Variants in MLLT10 observed in about 807,000 individuals in gnomAD.
The protein encoded by MLLT10 is MLLT10 histone lysine methyltransferase DOT1L cofactor, also known as protein AF-10.
A neutral mutation model predicts 129.1 loss-of-function variants in MLLT10; 30 were observed. The ratio of observed to expected loss-of-function variants is 0.23; its 90% CI spans 0.17 to 0.32. The LOEUF (loss-of-function observed/expected upper bound fraction) is 0.32. Ranked by LOEUF, MLLT10 falls within the 10% of genes least tolerant of loss-of-function variation. The pLI, the probability that MLLT10 is intolerant of heterozygous loss-of-function variation, is 1.00. For missense variants in MLLT10, 1,119 were observed against 1,268.3 expected (o/e 0.88, Z 1.79); for synonymous variants, 490 against 446.4 (o/e 1.10, Z -1.23).
chr10:21,681,183 G>T, intron 11 of MLLT10, 149 bp from the exon 12 acceptor site: 1 of 850,012 alleles, frequency 1.2e-6, no homozygotes. Flanking sequence ...CCAATTATTA[G>T]CTTATAATTT....
intron 6 of MLLT10, among the ~76,000 whole-genome samples, chr10:21,613,707 A>C (rs1421360072): frequency 1.3e-5 from 2 of 150,772 alleles, no homozygotes; most frequent in East Asian, 3.9e-4. Context: ...GTTCAGAGCC[A>C]CCCTGGGCAA....
At chr10:21,681,219 A>G (rs2052705650) in intron 11 of MLLT10, 113 bp from the exon 12 acceptor site, 2 of 1,359,054 alleles carry the variant, frequency 1.5e-6, no homozygotes, top group Non-Finnish European at 2.1e-6. Flanking sequence ...TAGGTGGCCT[A>G]CTTAACTACA....
chr10:21,662,492 C>G (rs1456774803), intron 9 of MLLT10, among the ~76,000 whole-genome samples: 1 of 151,706 alleles, frequency 6.6e-6, no homozygotes, highest in African/African-American at 2.4e-5. Context: ...GAGTTGTGTC[C>G]CACTCTGCTG....
intron 13 of MLLT10, among the ~76,000 whole-genome samples, chr10:21,682,707 C>G (rs1030518937): frequency 1.3e-5 from 2 of 152,070 alleles, no homozygotes; most frequent in Non-Finnish European, 2.9e-5. Flanking sequence ...GGAAGATAGT[C>G]TTTTAAATTA....
intron 3 of MLLT10, among the ~76,000 whole-genome samples, chr10:21,543,341 G>A (rs564301006): frequency 1.3e-5 from 2 of 152,070 alleles, no homozygotes; most frequent in African/African-American, 2.4e-5. Flanking sequence ...GGCTGGTCTC[G>A]AACTCCTGAC....
At chr10:21,704,365 A>C (rs200727142) in intron 13 of MLLT10, among the ~76,000 whole-genome samples, 42,181 of 124,650 alleles carry the variant, frequency 0.34, 7,240 homozygotes, top group East Asian at 0.63. Flanking sequence ...CTCTATATAT[A>C]TATATATATA....
chr10:21,733,141 T>G (rs2058088257), intron 18 of MLLT10, 54 bp downstream of exon 18: 1 of 1,508,438 alleles, frequency 6.6e-7, no homozygotes, highest in Non-Finnish European at 9.0e-7. Flanking sequence ...TTCAGTTTTA[T>G]TTGTATTATA....
chr10:21,676,472 GTACTTTGGGAGGCC>G (rs1439747552), intron 11 of MLLT10, among the ~76,000 whole-genome samples: 2 of 150,472 alleles, frequency 1.3e-5, no homozygotes, highest in African/African-American at 4.9e-5. Context: ...TGTAATCCCA[GTACTTTGGGAGGCC>G]GAGGTGGGCA....
chr10:21,718,733 T>C (rs1452626756), intron 14 of MLLT10, among the ~76,000 whole-genome samples: 1 of 152,202 alleles, frequency 6.6e-6, no homozygotes, highest in East Asian at 1.9e-4. Flanking sequence ...TGTTTGTTTG[T>C]TTTTTTGAGA....
chr10:21,605,644 A>G (rs2043987802), intron 5 of MLLT10, among the ~76,000 whole-genome samples: 1 of 152,100 alleles, frequency 6.6e-6, no homozygotes, highest in Non-Finnish European at 1.5e-5. Context: ...TATGTTGCCC[A>G]GGCTGGTGTC....
In MLLT10 at chr10:21,620,803, G is replaced by C. The variant is rs1473255268; in HGVS notation, c.699+3596G>C. ...TCTCCCAGGTTCAAGCGATTCTTCTGCCTCACCCTCCCGAATAGCTGGGAT... is the reference window on the plus strand; with the variant it reads ...TCTCCCAGGTTCAAGCGATTCTTCTCCCTCACCCTCCCGAATAGCTGGGAT... On this transcript the variant is annotated intron_variant, in intron 8 of 22. Transcript: ENST00000307729. 4.0e-5 allele frequency among the ~76,000 whole-genome samples: 6 copies of C among 151,700 alleles called. No individual in the cohort carries two copies. In the East Asian group the frequency reaches 1.2e-3, roughly 30 times the overall value.
chr10:21,711,365 C>T (rs965657787), intron 13 of MLLT10, among the ~76,000 whole-genome samples: 18 of 150,684 alleles, frequency 1.2e-4, no homozygotes, highest in Non-Finnish European at 2.1e-4. Context: ...GAGGTTACAG[C>T]GAGCCGAGAT....
rs1345187879 is a variant in MLLT10 at position 21,717,549 on chromosome 10, CTTT to C, written c.1878+3600_1878+3602del. ...CTCCTCCTCCTCCTCCTCCCTTCTT[CTTT>C]CTTCTTCTTTCTTCCTCTTCCTCTT... On this transcript the variant is annotated intron_variant, in intron 14 of 22. Coordinates refer to ENST00000307729, the MANE Select transcript of MLLT10 (RefSeq NM_001195626.3). Among the ~76,000 whole-genome samples the C allele has an allele frequency of 2.5e-3, 229 of 90,598 alleles. 1 individual carries two copies. Among genetic ancestry groups the C allele is most frequent in the Non-Finnish European group, 3.8e-3 (189 of 49,698 alleles). 59.4% of individuals were successfully genotyped at this position (90,598 alleles called of 152,430 possible). A position where few individuals can be genotyped will look rare whatever the true frequency, so the allele number is the denominator to read the frequency against.
At chr10:21,717,906 C>CCTTCTCCTCCTCCTTCTCCTT (rs1564712543) in intron 14 of MLLT10, among the ~76,000 whole-genome samples, 3 of 143,782 alleles carry the variant, frequency 2.1e-5, no homozygotes, top group African/African-American at 8.1e-5. Flanking sequence ...TCCTCCTCCT[C>CCTTCTCCTCCTCCTTCTCCTT]CTCCTTCTCC....
At chr10:21,612,065 A>T (rs1316859079) in intron 5 of MLLT10, among the ~76,000 whole-genome samples, 3 of 152,200 alleles carry the variant, frequency 2.0e-5, no homozygotes, top group Non-Finnish European at 4.4e-5. Flanking sequence ...CTGGCCCGCC[A>T]GCCTCAGTGC....
At chr10:21,603,591 A>G (rs1393320223) in intron 5 of MLLT10, among the ~76,000 whole-genome samples, 1 of 150,976 alleles carries the variant, frequency 6.6e-6, no homozygotes, top group Non-Finnish European at 1.5e-5. Context: ...ATTCTAACAC[A>G]TGACCAGCTC....
intron 21 of MLLT10, among the ~76,000 whole-genome samples, chr10:21,735,494 G>A (rs1342017689): frequency 2.0e-5 from 3 of 152,144 alleles, no homozygotes; most frequent in African/African-American, 4.8e-5. Context: ...GTGTTTTCCC[G>A]GAGCTTCATT....
At chr10:21,670,871 A>C (rs2051326584) in intron 10 of MLLT10, 167 bp downstream of exon 10, 1 of 699,944 alleles carries the variant, frequency 1.4e-6, no homozygotes, top group Non-Finnish European at 2.1e-6. Context: ...TTTCCTATTA[A>C]ATTTTTTTAA....
intron 21 of MLLT10, among the ~76,000 whole-genome samples, chr10:21,738,026 T>C (rs1226373774): frequency 6.6e-6 from 1 of 152,060 alleles, no homozygotes; most frequent in East Asian, 1.9e-4. Context: ...TCCCAGCACT[T>C]TGGGAGACGG....
Sources: allele counts gnomAD v4.1 joint callset (sites outside exome capture counted in the v4.1 genomes callset), GRCh38; gene constraint gnomAD v4.1.1; transcripts MANE v1.5; gene names NCBI Gene and HGNC (gene_info 2026-07-23, HGNC 2026-07-21).